Variants in TRDN observed in about 807,000 individuals in gnomAD.
TRDN encodes the protein triadin.
In TRDN, 161 loss-of-function variants were observed where a neutral mutation model predicts 149.7. The observed-to-expected ratio is 1.08, with a 90% confidence interval of 0.95 to 1.23. The LOEUF (loss-of-function observed/expected upper bound fraction) is 1.23, where lower values mean the gene tolerates loss of function less well. Ranked by LOEUF, TRDN falls within the 50% of genes most tolerant of loss-of-function variation. TRDN has a pLI of 0.00. For missense variants in TRDN, 896 were observed against 823.5 expected (o/e 1.09, Z -1.08); for synonymous variants, 294 against 250.5 (o/e 1.17, Z -1.64).
chr6:123,254,297 C>A (rs956314044), intron 37 of TRDN, among the ~76,000 whole-genome samples: 1 of 151,884 alleles, frequency 6.6e-6, no homozygotes, highest in African/African-American at 2.4e-5. Context: ...ATTATGAATA[C>A]ATTAATAATT....
intron 22 of TRDN, among the ~76,000 whole-genome samples, chr6:123,333,565 A>G (rs1779745223): frequency 6.6e-6 from 1 of 152,094 alleles, no homozygotes; most frequent in East Asian, 1.9e-4. Flanking sequence ...CCTACAGATC[A>G]TTGATTCTCA....
At chr6:123,230,125 TG>T (rs1432017688) in intron 38 of TRDN, among the ~76,000 whole-genome samples, 3 of 151,936 alleles carry the variant, frequency 2.0e-5, no homozygotes, top group Non-Finnish European at 4.4e-5. Context: ...AGCAAAGACT[TG>T]GAACCAACCC....
intron 5 of TRDN, among the ~76,000 whole-genome samples, chr6:123,522,922 A>AG (rs555486954): frequency 3.9e-3 from 596 of 152,290 alleles, no homozygotes; most frequent in Middle Eastern, 0.034. Flanking sequence ...ATGAGCCCAT[A>AG]TCCCTTTGTT....
At chr6:123,430,682 T>C (rs757014999) in intron 12 of TRDN, among the ~76,000 whole-genome samples, 1 of 152,104 alleles carries the variant, frequency 6.6e-6, no homozygotes, top group Non-Finnish European at 1.5e-5. Flanking sequence ...GTCCCCAAAA[T>C]AAGCATTAAA....
intron 1 of TRDN, among the ~76,000 whole-genome samples, chr6:123,600,004 A>C (rs940168081): frequency 6.6e-6 from 1 of 151,984 alleles, no homozygotes; most frequent in Non-Finnish European, 1.5e-5. Flanking sequence ...TCCCATTAGA[A>C]CATAAGCTCC....
intron 13 of TRDN, among the ~76,000 whole-genome samples, chr6:123,391,812 T>C (rs1772484162): frequency 6.6e-6 from 1 of 152,110 alleles, no homozygotes. Flanking sequence ...TGATCAATTT[T>C]GTCACTTTAT....
intron 23 of TRDN, among the ~76,000 whole-genome samples, chr6:123,326,720 C>T (rs1311226108): frequency 6.6e-6 from 1 of 151,930 alleles, no homozygotes; most frequent in African/African-American, 2.4e-5. Context: ...CCAAGAAGTA[C>T]TGATTACAAA....
intron 1 of TRDN, among the ~76,000 whole-genome samples, chr6:123,577,001 G>A (rs1353859404): frequency 1.3e-5 from 2 of 152,008 alleles, no homozygotes; most frequent in Non-Finnish European, 2.9e-5. Flanking sequence ...AACTTCATAA[G>A]GTAGGGGGAA....
intron 18 of TRDN, among the ~76,000 whole-genome samples, chr6:123,376,220 C>T (rs1781497892): frequency 6.6e-6 from 1 of 152,214 alleles, no homozygotes; most frequent in African/African-American, 2.4e-5. Flanking sequence ...CTATAATGCA[C>T]ACACTATCTT....
At chr6:123,589,304 T>C (rs1307718365) in intron 1 of TRDN, among the ~76,000 whole-genome samples, 1 of 152,180 alleles carries the variant, frequency 6.6e-6, no homozygotes, top group Non-Finnish European at 1.5e-5. Flanking sequence ...CTCAGTTCAT[T>C]TGGGAAATTA....
intron 21 of TRDN, among the ~76,000 whole-genome samples, chr6:123,347,141 G>A (rs1250281665): frequency 6.6e-6 from 1 of 152,124 alleles, no homozygotes; most frequent in South Asian, 2.1e-4. Flanking sequence ...GAATTTAAAT[G>A]TATATGCTTC....
intron 37 of TRDN, among the ~76,000 whole-genome samples, chr6:123,253,753 GAGAAGTCTGAATC>G (rs1298918508): frequency 1.3e-5 from 2 of 152,226 alleles, no homozygotes; most frequent in African/African-American, 2.4e-5. Flanking sequence ...AGAACAGAGT[GAGAAGTCTGAATC>G]AGAAGTCTGA....
intron 10 of TRDN, among the ~76,000 whole-genome samples, chr6:123,443,545 C>T (rs1031977973): frequency 1.3e-5 from 2 of 152,084 alleles, no homozygotes; most frequent in Non-Finnish European, 2.9e-5. Context: ...GTAATCTCAG[C>T]ACTTTGGGAG....
At chr6:123,414,810 C>G (rs1773587732) in intron 12 of TRDN, among the ~76,000 whole-genome samples, 1 of 151,954 alleles carries the variant, frequency 6.6e-6, no homozygotes, top group Non-Finnish European at 1.5e-5. Context: ...AATGAGTACC[C>G]TAGGATTATT....
intron 20 of TRDN, among the ~76,000 whole-genome samples, chr6:123,362,335 A>C (rs78961239): frequency 0.084 from 12,753 of 152,020 alleles, 1,775 homozygotes; most frequent in African/African-American, 0.29. Flanking sequence ...ACTCTCCCTA[A>C]AGCATATGTT....
chr6:123,302,836 C>T (rs936168726), intron 24 of TRDN, among the ~76,000 whole-genome samples: 11 of 151,896 alleles, frequency 7.2e-5, no homozygotes, highest in African/African-American at 2.4e-4. Flanking sequence ...TCTTGATGGG[C>T]CCTAAGATTC....
intron 26 of TRDN, among the ~76,000 whole-genome samples, chr6:123,277,354 A>C (rs1013099329): frequency 6.6e-6 from 1 of 152,128 alleles, no homozygotes; most frequent in South Asian, 2.1e-4. Flanking sequence ...TGGAGGACAT[A>C]AATTTTGGGC....
At chr6:123,269,889 CA>C in intron 30 of TRDN, 23 bp from the exon 31 acceptor site, 1 of 1,608,824 alleles carries the variant, frequency 6.2e-7, no homozygotes, top group Non-Finnish European at 8.5e-7. Flanking sequence ...GAGGCAAGCA[CA>C]TGGCATATTG....
intron 1 of TRDN, among the ~76,000 whole-genome samples, chr6:123,634,593 G>A (rs1437927486): frequency 2.0e-5 from 3 of 151,884 alleles, no homozygotes; most frequent in Admixed American, 2.0e-4. Context: ...TGTAGCTAGG[G>A]CACAAAAGGT....
Sources: allele counts gnomAD v4.1 joint callset (sites outside exome capture counted in the v4.1 genomes callset), GRCh38; gene constraint gnomAD v4.1.1; transcripts MANE v1.5; gene names NCBI Gene and HGNC (gene_info 2026-07-23, HGNC 2026-07-21).